RPTOR: variants seen among roughly 807,000 people sequenced by gnomAD.
RPTOR encodes the protein regulatory-associated protein of mTOR.
RPTOR carries 21 observed loss-of-function variants against 169.9 expected under a neutral mutation model. The ratio of observed to expected loss-of-function variants is 0.12; its 90% confidence interval spans 0.09 to 0.18. RPTOR has a LOEUF of 0.18. Among genes scored for constraint, RPTOR ranks in the 10% least tolerant of loss-of-function variants. The pLI, the probability that RPTOR is intolerant of heterozygous loss-of-function variation, is 1.00. For synonymous variants in RPTOR, 732 were observed against 753.2 expected (o/e 0.97, Z 0.46); for missense variants, 1,133 against 1,855.9 (o/e 0.61, Z 7.16).
At chr17:80,590,276 T>G (rs1856040322) in intron 1 of RPTOR, among the ~76,000 whole-genome samples, 1 of 148,000 alleles carries the variant, frequency 6.8e-6, no homozygotes, top group South Asian at 2.1e-4. Flanking sequence ...CACACATGCG[T>G]GCACACAGTG....
chr17:80,554,829 A>T (rs1007278680), intron 1 of RPTOR, among the ~76,000 whole-genome samples: 3 of 152,190 alleles, frequency 2.0e-5, no homozygotes, highest in African/African-American at 7.2e-5. Flanking sequence ...CTGGATATTA[A>T]AGAGATTTGC....
Position 80,947,261 on chromosome 17 carries a change from T to A in RPTOR, c.3175T>A (p.Tyr1059Asn). The A allele has an allele frequency of 6.2e-7, 1 of 1,604,256 alleles. No homozygotes were observed. The highest frequency in any genetic ancestry group is 8.5e-7 in the Non-Finnish European group (1 of 1,176,140). The change falls in exon 27 of 34, where the codon TAT becomes AAT. Residue 1059 changes from tyrosine to asparagine, a missense_variant. Coordinates refer to ENST00000306801, the MANE Select transcript of RPTOR (RefSeq NM_020761.3). This position sits in a 1 kb window ranked among gnomAD's most constrained non-coding sequence, Gnocchi z 4.4. ...WDWEKGEKLD[Y>N]FHNGNPRYTR... The stretch of plus-strand genomic sequence containing the variant: ...CTGGGAGAAAGGGGAGAAGCTGGAT[T>A]ATTTCCACAATGGGAACCCTCGGTA...
At chr17:80,939,974 G>A (rs2069003297) in intron 24 of RPTOR, among the ~76,000 whole-genome samples, 1 of 152,192 alleles carries the variant, frequency 6.6e-6, no homozygotes. Flanking sequence ...GGCGTGGAGA[G>A]CGCCTCTCCC....
At chr17:80,945,447 C>T in intron 25 of RPTOR, 1 of 362,234 alleles carries the variant, frequency 2.8e-6, no homozygotes, top group Non-Finnish European at 5.0e-6. Context: ...AAAAAATTAG[C>T]TGGGCATGGT....
At chr17:80,866,808 G>A (rs1401741319) in intron 13 of RPTOR, among the ~76,000 whole-genome samples, 7 of 151,950 alleles carry the variant, frequency 4.6e-5, no homozygotes, top group Non-Finnish European at 1.5e-5. Context: ...TTGAACTTCT[G>A]GGCTCCAGCG....
rs908504841 is a variant in RPTOR at position 80,959,817 on chromosome 17, C to T, written c.3478-261C>T. 9.8e-5 allele frequency among the ~76,000 whole-genome samples: 15 copies of T among 152,304 alleles called. 1 individual carries two copies. Among genetic ancestry groups the T allele is most frequent in the African/African-American group, 2.2e-4 (9 of 41,562 alleles). ...TCTGCCTCACTGGCTGGGTCCCAGG[C>T]GCCTCAGGGCCTCAGGGCTGTCCCT... On this transcript the variant is annotated intron_variant, in intron 29 of 33. Coordinates refer to ENST00000306801, the MANE Select transcript of RPTOR (RefSeq NM_020761.3). This position sits in a 1 kb window ranked among gnomAD's most constrained non-coding sequence, Gnocchi z 6.7.
intron 24 of RPTOR, among the ~76,000 whole-genome samples, chr17:80,938,169 C>T (rs1351456962): frequency 1.3e-5 from 2 of 152,224 alleles, no homozygotes; most frequent in Non-Finnish European, 2.9e-5. Context: ...TGTCTCCGGG[C>T]GTCCTGTGCC....
chr17:80,865,235 G>A lies in RPTOR; in HGVS notation c.1509+7335G>A, dbSNP rs141795858. On this transcript the variant is annotated intron_variant, in intron 13 of 33. Coordinates refer to ENST00000306801, the MANE Select transcript of RPTOR (RefSeq NM_020761.3). ...ATGAAGTCATAAATATAGACAACAC[G>A]GAAGGAAAAAGATAACCAAGAGTAG... Among the ~76,000 whole-genome samples, 116 of 152,218 alleles carry A rather than the reference G, an allele frequency of 7.6e-4. 1 individual carries two copies. Among genetic ancestry groups the A allele is most frequent in the African/African-American group, 2.1e-3 (87 of 41,542 alleles).
chr17:80,703,868 G>T (rs916840269), intron 3 of RPTOR, among the ~76,000 whole-genome samples: 1 of 152,156 alleles, frequency 6.6e-6, no homozygotes. Context: ...TTACATAACG[G>T]CCCAGACCAA....
In RPTOR at chr17:80,709,141, C is replaced by G. The variant is rs950597634; in HGVS notation, c.507+1142C>G. ...TATCCACCCAGCTCCTCCCGCAGGG[C>G]ACAGGGCAGTGCCATCTCTCCCCGT... On this transcript the variant is annotated intron_variant, in intron 4 of 33. Transcript: ENST00000306801. The G allele has an allele frequency of 8.3e-6, 8 of 961,404 alleles. No homozygotes were observed. The African/African-American group carries it at 1.2e-4, about 15-fold the overall frequency. The allele number at this position is 961,404 out of a possible 1,614,324, so 59.6% of individuals were successfully genotyped here.
At chr17:80,658,661 G>A (rs918617919) in intron 3 of RPTOR, among the ~76,000 whole-genome samples, 3 of 152,098 alleles carry the variant, frequency 2.0e-5, no homozygotes, top group Non-Finnish European at 4.4e-5. Context: ...CCCTGCTGAC[G>A]CTCATTGGAA....
chr17:80,906,267 A>G (rs562326112), intron 20 of RPTOR, among the ~76,000 whole-genome samples: 13 of 152,082 alleles, frequency 8.5e-5, no homozygotes, highest in African/African-American at 2.9e-4. Context: ...TGCACGGAGC[A>G]GTTCCTAGGA....
At chr17:80,908,750 G>C in intron 20 of RPTOR, 61 bp from the exon 21 acceptor site, 5 of 1,232,538 alleles carry the variant, frequency 4.1e-6, no homozygotes, top group Non-Finnish European at 6.0e-6. Context: ...AAATGCAGCC[G>C]CCTTAGGAGC....
rs545325082 is a variant in RPTOR at position 80,815,913 on chromosome 17, C to G, written c.891-6288C>G. 2.5e-3 allele frequency among the ~76,000 whole-genome samples: 350 copies of G among 139,244 alleles called. 35 individuals carry two copies. Among genetic ancestry groups the G allele is most frequent in the African/African-American group, 9.8e-3 (340 of 34,824 alleles). The allele number at this position is 139,244 out of a possible 152,430, so 91.3% of individuals were successfully genotyped here. A position where few individuals can be genotyped will look rare whatever the true frequency, so the allele number is the denominator to read the frequency against. ...CTGGCGAGGTGGCTTCCACGTGCCC[C>G]GTCAATCAGGGCTGGACAGTCCATC... On this transcript the variant is annotated intron_variant, in intron 7 of 33. Transcript: ENST00000306801.
In RPTOR at chr17:80,811,199, A is replaced by G. The variant is rs118105392; in HGVS notation, c.891-11002A>G. ...AGGGAACATTTTATCTAAATCTACT[A>G]AGTATAATATGTGCTGTGAATTTTT... On this transcript the variant is annotated intron_variant, in intron 7 of 33. Transcript: ENST00000306801. Among the ~76,000 whole-genome samples the G allele has an allele frequency of 4.4e-3, 677 of 152,302 alleles. 4 individuals are homozygous for G. The highest frequency in any genetic ancestry group is 7.1e-3 in the Non-Finnish European group (481 of 68,018).
intron 1 of RPTOR, among the ~76,000 whole-genome samples, chr17:80,608,479 C>T (rs981669140): frequency 3.3e-5 from 5 of 151,900 alleles, no homozygotes; most frequent in Admixed American, 3.3e-4. Flanking sequence ...CACCGATAAT[C>T]CAGATTACGT....
intron 9 of RPTOR, among the ~76,000 whole-genome samples, chr17:80,826,435 G>C (rs770448103): frequency 6.6e-6 from 1 of 152,236 alleles, no homozygotes; most frequent in Non-Finnish European, 1.5e-5. Flanking sequence ...GGCAGTAACC[G>C]CAGGTCTGGA....
At chr17:80,691,478 A>C (rs59254087) in intron 3 of RPTOR, among the ~76,000 whole-genome samples, 26,367 of 151,664 alleles carry the variant, frequency 0.17, 3,561 homozygotes, top group African/African-American at 0.39. Context: ...GTGTGTGCGC[A>C]TAGGTGTGTG....
intron 5 of RPTOR, among the ~76,000 whole-genome samples, chr17:80,752,433 T>C (rs1163386809): frequency 6.6e-6 from 1 of 152,228 alleles, no homozygotes; most frequent in East Asian, 1.9e-4. Context: ...TTCTGTTTGG[T>C]GGAACTGGTT....
Sources: allele counts gnomAD v4.1 joint callset (sites outside exome capture counted in the v4.1 genomes callset), GRCh38; gene constraint gnomAD v4.1.1; non-coding constraint Gnocchi (gnomAD v3.1); transcripts MANE v1.5; gene names NCBI Gene and HGNC (gene_info 2026-07-23, HGNC 2026-07-21).